GALNT13: variants seen among roughly 807,000 people sequenced by gnomAD.
The protein encoded by GALNT13 is polypeptide N-acetylgalactosaminyltransferase 13.
Under a neutral mutation model 64.2 loss-of-function variants are expected in GALNT13, and 28 were observed. The observed-to-expected ratio is 0.44, with a 90% CI of 0.32 to 0.60. GALNT13 has a LOEUF of 0.60. GALNT13 is among the 20% of genes least tolerant of loss of function. The pLI is 0.05. For missense variants in GALNT13, 577 were observed against 669.8 expected (o/e 0.86, Z 1.53); for synonymous variants, 214 against 224.6 (o/e 0.95, Z 0.42).
At chr2:153,650,068 A>T in the GALNT13 span, among the ~76,000 whole-genome samples, 1 of 152,132 alleles carries the variant, frequency 6.6e-6, no homozygotes, top group Non-Finnish European at 1.5e-5. Context: ...GTGGGGTGTT[A>T]AAGTTTCCCA....
chr2:153,256,891 A>G, the GALNT13 span, among the ~76,000 whole-genome samples: 1 of 152,210 alleles, frequency 6.6e-6, no homozygotes, highest in African/African-American at 2.4e-5. Context: ...TGCAGAGGTT[A>G]CTGTTGTCTT....
At chr2:153,072,252 C>A in the GALNT13 span, among the ~76,000 whole-genome samples, 1 of 152,120 alleles carries the variant, frequency 6.6e-6, no homozygotes, top group East Asian at 1.9e-4. Context: ...ATAACTCTTA[C>A]CTACCGCTAA....
chr2:154,157,396 A>G (rs1188818388), intron 4 of GALNT13, among the ~76,000 whole-genome samples: 1 of 152,072 alleles, frequency 6.6e-6, no homozygotes, highest in Non-Finnish European at 1.5e-5. Context: ...ACTTTTTTTA[A>G]GAGATGGGGT....
intron 8 of GALNT13, among the ~76,000 whole-genome samples, chr2:154,271,256 C>A (rs1210916477): frequency 6.6e-6 from 1 of 151,910 alleles, no homozygotes; most frequent in Non-Finnish European, 1.5e-5. Flanking sequence ...TTTGGTTATG[C>A]TATTTGTTAT....
At chr2:153,764,435 C>A in the GALNT13 span, among the ~76,000 whole-genome samples, 2 of 152,132 alleles carry the variant, frequency 1.3e-5, no homozygotes, top group East Asian at 3.9e-4. Context: ...ACTCAGGAGG[C>A]TGAGGCAGGA....
intron 9 of GALNT13, among the ~76,000 whole-genome samples, chr2:154,375,108 C>T (rs1697909637): frequency 6.6e-6 from 1 of 152,138 alleles, no homozygotes; most frequent in Non-Finnish European, 1.5e-5. Flanking sequence ...TTATCTCAGC[C>T]TCCCAAGTAG....
chr2:154,272,830 A>C (rs1691427604), intron 8 of GALNT13, among the ~76,000 whole-genome samples: 1 of 152,146 alleles, frequency 6.6e-6, no homozygotes, highest in South Asian at 2.1e-4. Context: ...TTAGCTATTT[A>C]TTTTACAAAT....
At chr2:153,404,699 CTT>C in the GALNT13 span, among the ~76,000 whole-genome samples, 1 of 152,030 alleles carries the variant, frequency 6.6e-6, no homozygotes, top group Admixed American at 6.5e-5. Flanking sequence ...ATCTTCAACT[CTT>C]ATGTCTTTGG....
At chr2:153,687,283 TG>T in the GALNT13 span, among the ~76,000 whole-genome samples, 26 of 151,984 alleles carry the variant, frequency 1.7e-4, no homozygotes, top group Non-Finnish European at 3.4e-4. Context: ...GGGCTTTTTT[TG>T]GTTGATAAGC....
intron 11 of GALNT13, among the ~76,000 whole-genome samples, chr2:154,413,121 T>C (rs1020566374): frequency 5.9e-5 from 9 of 152,042 alleles, no homozygotes; most frequent in African/African-American, 2.2e-4. Flanking sequence ...GACTCAGATT[T>C]ACATGTACAG....
intron 3 of GALNT13, among the ~76,000 whole-genome samples, chr2:154,023,804 A>G (rs1366180785): frequency 2.6e-5 from 4 of 152,130 alleles, no homozygotes; most frequent in Non-Finnish European, 4.4e-5. Context: ...GGTCTTTACA[A>G]TTTGGCATGT....
intron 9 of GALNT13, among the ~76,000 whole-genome samples, chr2:154,310,447 A>G (rs1055804292): frequency 6.6e-6 from 1 of 152,146 alleles, no homozygotes; most frequent in Non-Finnish European, 1.5e-5. Context: ...TCATATATAT[A>G]AAAAAACAGT....
chr2:153,403,004 C>T, the GALNT13 span, among the ~76,000 whole-genome samples: 1 of 151,624 alleles, frequency 6.6e-6, no homozygotes, highest in Middle Eastern at 3.4e-3. Flanking sequence ...GAGAGGCACT[C>T]TGCTTTTTAG....
chr2:153,915,100 T>G (rs960670783), intron 2 of GALNT13, among the ~76,000 whole-genome samples: 3 of 152,204 alleles, frequency 2.0e-5, no homozygotes, highest in African/African-American at 7.2e-5. Context: ...AGCAGACCTC[T>G]GTTTTATGTT....
chr2:153,482,084 A>G, the GALNT13 span, among the ~76,000 whole-genome samples: 1 of 152,198 alleles, frequency 6.6e-6, no homozygotes, highest in Non-Finnish European at 1.5e-5. Context: ...TAAATGTCGT[A>G]AAAGCTAAAT....
At chr2:154,189,967 A>G (rs1229647675) in intron 4 of GALNT13, among the ~76,000 whole-genome samples, 1 of 152,224 alleles carries the variant, frequency 6.6e-6, no homozygotes, top group East Asian at 1.9e-4. Context: ...TGTTAAAACC[A>G]TATAAAAACC....
chr2:154,267,267 T>C (rs1453720323), intron 8 of GALNT13, among the ~76,000 whole-genome samples: 3 of 152,142 alleles, frequency 2.0e-5, no homozygotes, highest in Non-Finnish European at 4.4e-5. Flanking sequence ...ATTAGACAAA[T>C]ATTCCTTAGA....
At chr2:153,620,176 T>G in the GALNT13 span, among the ~76,000 whole-genome samples, 3 of 152,202 alleles carry the variant, frequency 2.0e-5, no homozygotes, top group East Asian at 5.8e-4. Flanking sequence ...CAGACTGGAG[T>G]GCAGTGGCAT....
At chr2:153,884,785 ATGTGTG>A (rs1179176058) in intron 1 of GALNT13, among the ~76,000 whole-genome samples, 19 of 122,402 alleles carry the variant, frequency 1.6e-4, no homozygotes, top group African/African-American at 4.2e-4. Context: ...ATATATATAT[ATGTGTG>A]TGTATATATA....
Sources: gnomAD v4.1 joint callset for allele counts (sites outside exome capture counted in the v4.1 genomes callset) on GRCh38, gnomAD v4.1.1 for gene constraint, MANE v1.5 for transcripts, NCBI Gene and HGNC (gene_info 2026-07-23, HGNC 2026-07-21) for gene names.